Variants in RAP1GAP2 observed in about 807,000 individuals in gnomAD.
The protein encoded by RAP1GAP2 is rap1 GTPase-activating protein 2.
A neutral mutation model predicts 95.0 loss-of-function variants in RAP1GAP2; 27 were observed. The observed-to-expected ratio is 0.28, with a 90% CI of 0.21 to 0.39. The LOEUF (loss-of-function observed/expected upper bound fraction) is 0.39. RAP1GAP2 is among the 10% of genes least tolerant of loss of function. The pLI is 1.00. For missense variants in RAP1GAP2, 771 were observed against 970.0 expected (o/e 0.79, Z 2.72); for synonymous variants, 373 against 380.9 (o/e 0.98, Z 0.24).
rs112050334 is a variant in RAP1GAP2, at chr17:2,800,672, C to T, written c.80+122C>T. ...CTGTCGTGTTTGTCAGATTCCAGTC[C>T]GAGTCCATGGTGCTTCCAGATCGGA... On this transcript the variant is annotated intron_variant, in intron 2 of 24. Transcript: ENST00000254695. 4.1e-4 allele frequency: 433 copies of T among 1,060,214 alleles called. No individual in the cohort carries two copies. In the African/African-American group the frequency reaches 4.8e-3, roughly 12 times the overall value. The allele number at this position is 1,060,214 out of a possible 1,614,324, so 65.7% of individuals were successfully genotyped here.
At chr17:3,012,893 G>A (rs142554855) in intron 17 of RAP1GAP2, among the ~76,000 whole-genome samples, 4 of 152,254 alleles carry the variant, frequency 2.6e-5, no homozygotes, top group African/African-American at 7.2e-5. Flanking sequence ...TTATTGGTCC[G>A]TAATGCAATG....
Position 3,016,134 on chromosome 17 carries a change from C to T in RAP1GAP2, c.1495-1927C>T, listed in dbSNP as rs2046758619. Among the ~76,000 whole-genome samples the T allele has an allele frequency of 7.9e-5, 12 of 152,360 alleles. No individual in the cohort carries two copies. The South Asian group carries it at 2.5e-3, about 32-fold the overall frequency. On this transcript the variant is annotated intron_variant, in intron 17 of 24. Transcript: ENST00000254695. ...CTTTCGTCTTTCCCCTCTGCCCTCC[C>T]TGGCTTGTCAGCTTTGTCCCTCAGG...
chr17:2,853,205 C>G (rs922538986), intron 2 of RAP1GAP2, among the ~76,000 whole-genome samples: 1 of 152,060 alleles, frequency 6.6e-6, no homozygotes, highest in Non-Finnish European at 1.5e-5. Context: ...TCGTTCCTCC[C>G]ATCCGCAAGC....
upstream of RAP1GAP2, among the ~76,000 whole-genome samples, chr17:2,774,647 A>C (rs2151438361): frequency 6.9e-6 from 1 of 145,442 alleles, no homozygotes; most frequent in Middle Eastern, 3.9e-3. Context: ...TAATTTTTGT[A>C]TTTTTAGTAG....
intron 22 of RAP1GAP2, among the ~76,000 whole-genome samples, chr17:3,030,521 G>C (rs1013885611): frequency 1.3e-5 from 2 of 152,128 alleles, no homozygotes; most frequent in African/African-American, 2.4e-5. Flanking sequence ...TGATGTCCTC[G>C]AACGTGGACT....
At chr17:2,960,528 A>T (rs2151479628) in intron 4 of RAP1GAP2, among the ~76,000 whole-genome samples, 1 of 152,354 alleles carries the variant, frequency 6.6e-6, no homozygotes, top group East Asian at 1.9e-4. Flanking sequence ...CAATCCACCC[A>T]GTTAACAGGA....
chr17:2,854,423 C>T (rs1025312859), intron 2 of RAP1GAP2, among the ~76,000 whole-genome samples: 1 of 152,230 alleles, frequency 6.6e-6, no homozygotes, highest in African/African-American at 2.4e-5. Flanking sequence ...GCCGCGGATG[C>T]CATTGATCCA....
At chr17:2,988,452 A>T (rs2045632324) in intron 11 of RAP1GAP2, among the ~76,000 whole-genome samples, 1 of 152,224 alleles carries the variant, frequency 6.6e-6, no homozygotes, top group African/African-American at 2.4e-5. Context: ...TATTTCAAAA[A>T]TGGTATATAA....
intron 2 of RAP1GAP2, among the ~76,000 whole-genome samples, chr17:2,818,843 C>G (rs1408716209): frequency 6.6e-6 from 1 of 152,106 alleles, no homozygotes; most frequent in Non-Finnish European, 1.5e-5. Context: ...CCTCCCTTTT[C>G]TAATCTTTGA....
chr17:2,820,482 G>A (rs1229345635), intron 2 of RAP1GAP2, among the ~76,000 whole-genome samples: 1 of 151,996 alleles, frequency 6.6e-6, no homozygotes, highest in Admixed American at 6.6e-5. Flanking sequence ...TTAGCCAGGT[G>A]TGGTGGCGGG....
intron 2 of RAP1GAP2, among the ~76,000 whole-genome samples, chr17:2,888,186 A>G (rs1048293406): frequency 5.9e-5 from 9 of 152,212 alleles, no homozygotes; most frequent in Admixed American, 3.3e-4. Context: ...ACAGTGTGAT[A>G]TTTTGATATG....
chr17:2,922,841 T>G (rs897069857), intron 3 of RAP1GAP2, among the ~76,000 whole-genome samples: 3 of 150,798 alleles, frequency 2.0e-5, no homozygotes, highest in Admixed American at 6.6e-5. Flanking sequence ...TGTTTTTTTT[T>G]TTTTTTTTGA....
At chr17:2,769,693 T>C (rs527326113) in intron 1 of RAP1GAP2, among the ~76,000 whole-genome samples, 148 of 152,340 alleles carry the variant, frequency 9.7e-4, no homozygotes, top group African/African-American at 3.4e-3. Context: ...TGCCTGTGTG[T>C]CCTCTGCTTA....
rs2047465722 is a variant in RAP1GAP2 at position 3,036,348 on chromosome 17, C to CGGG, written c.*2987_*2988insGGG. The CGGG allele has an allele frequency of 1.3e-5, 2 of 152,234 alleles. No homozygotes were observed. The highest frequency in any genetic ancestry group is 2.4e-5 in the African/African-American group (1 of 41,454). 9.4% of individuals were successfully genotyped at this position (152,234 alleles called of 1,614,324 possible). On this transcript the variant is annotated 3_prime_UTR_variant, in exon 25 of 25. Coordinates refer to ENST00000254695, the MANE Select transcript of RAP1GAP2 (RefSeq NM_015085.5). Reference sequence around the variant, plus strand: ...AAAGCTGGGATTAGAACCCTCAACCCAGGGTCCCTTCCTCTGCAGCGCCTA... The same window carrying CGGG: ...AAAGCTGGGATTAGAACCCTCAACCCGGGAGGGTCCCTTCCTCTGCAGCGCCTA...
At chr17:2,891,671 A>G (rs1405455894) in intron 2 of RAP1GAP2, among the ~76,000 whole-genome samples, 1 of 151,074 alleles carries the variant, frequency 6.6e-6, no homozygotes, top group Non-Finnish European at 1.5e-5. Context: ...GAATGTCTTT[A>G]TTGGTTGATA....
At chr17:2,833,547 G>A (rs938248080) in intron 2 of RAP1GAP2, among the ~76,000 whole-genome samples, 18 of 151,758 alleles carry the variant, frequency 1.2e-4, no homozygotes, top group African/African-American at 3.4e-4. Context: ...AAAATGAGCC[G>A]GGTGTGTTGG....
chr17:2,957,634 C>G (rs1208898913), intron 3 of RAP1GAP2, 125 bp from the exon 4 acceptor site: 7 of 1,094,120 alleles, frequency 6.4e-6, no homozygotes, highest in Admixed American at 2.3e-5. Flanking sequence ...CTCTGTTGAT[C>G]CAAATGAATT....
chr17:2,879,117 C>CT (rs67861792), intron 2 of RAP1GAP2, among the ~76,000 whole-genome samples: 14 of 140,852 alleles, frequency 9.9e-5, no homozygotes, highest in East Asian at 6.3e-4. Flanking sequence ...CCAAGCCCTT[C>CT]TTTTTTTTTT....
At chr17:2,872,331 C>T (rs1164951353) in intron 2 of RAP1GAP2, among the ~76,000 whole-genome samples, 2 of 151,392 alleles carry the variant, frequency 1.3e-5, no homozygotes, top group Non-Finnish European at 2.9e-5. Context: ...CAAGGGGTTG[C>T]AATCTGAGGT....
Sources: gnomAD v4.1 joint callset for allele counts (sites outside exome capture counted in the v4.1 genomes callset) on GRCh38, gnomAD v4.1.1 for gene constraint, MANE v1.5 for transcripts, NCBI Gene and HGNC (gene_info 2026-07-23, HGNC 2026-07-21) for gene names.